THSD7A: variants seen among roughly 807,000 people sequenced by gnomAD.
THSD7A encodes thrombospondin type 1 domain containing 7A.
In THSD7A, 96 loss-of-function variants were observed where a neutral mutation model predicts 231.3. The observed-to-expected ratio is 0.41, with a 90% confidence interval of 0.35 to 0.49. THSD7A has a LOEUF of 0.49. Ranked by LOEUF, THSD7A falls within the 20% of genes least tolerant of loss-of-function variation. The probability of loss-of-function intolerance (pLI) is 0.05; values close to 1 mark genes in which losing one functional copy is unlikely to be tolerated. For missense variants in THSD7A, 2,290 were observed against 2,070.2 expected (o/e 1.11, Z -2.06); for synonymous variants, 940 against 743.3 (o/e 1.26, Z -4.30).
chr7:11,572,004 A>G (rs1400388532), intron 4 of THSD7A, among the ~76,000 whole-genome samples: 1 of 151,998 alleles, frequency 6.6e-6, no homozygotes, highest in Admixed American at 6.6e-5. Flanking sequence ...TTTCTGTCAG[A>G]TCATTCCCTT....
At chr7:11,424,927 C>T (rs1394868126) in intron 15 of THSD7A, 98 bp from the exon 16 acceptor site, 1 of 1,408,998 alleles carries the variant, frequency 7.1e-7, no homozygotes, top group Non-Finnish European at 9.8e-7. Context: ...TGTGAAGCTA[C>T]TTTCACTCCC....
chr7:11,773,351 G>T (rs952057444), intron 1 of THSD7A, among the ~76,000 whole-genome samples: 3 of 152,014 alleles, frequency 2.0e-5, no homozygotes, highest in African/African-American at 7.2e-5. Flanking sequence ...TGATCAAAAT[G>T]GAGAAACCCT....
intron 1 of THSD7A, among the ~76,000 whole-genome samples, chr7:11,823,193 C>T (rs953113191): frequency 6.6e-6 from 1 of 152,006 alleles, no homozygotes; most frequent in Non-Finnish European, 1.5e-5. Flanking sequence ...TTCCCAGCAC[C>T]ATTTATTGAA....
intron 1 of THSD7A, among the ~76,000 whole-genome samples, chr7:11,780,843 T>G (rs1376034861): frequency 6.6e-6 from 1 of 151,046 alleles, no homozygotes; most frequent in Non-Finnish European, 1.5e-5. Flanking sequence ...TACAAAAAAT[T>G]AGCCGGGCGC....
chr7:11,594,817 C>T (rs532184517), intron 2 of THSD7A, among the ~76,000 whole-genome samples: 20 of 152,278 alleles, frequency 1.3e-4, no homozygotes, highest in African/African-American at 4.8e-4. Context: ...AAGCTCTTAT[C>T]ATGTGAGTGG....
chr7:11,638,034 T>C (rs760442441), intron 1 of THSD7A, among the ~76,000 whole-genome samples: 1 of 152,186 alleles, frequency 6.6e-6, no homozygotes, highest in Non-Finnish European at 1.5e-5. Flanking sequence ...TGTGGGAAGG[T>C]GAGGGCCAAC....
At chr7:11,645,037 A>T (rs1430537675) in intron 1 of THSD7A, among the ~76,000 whole-genome samples, 1 of 152,028 alleles carries the variant, frequency 6.6e-6, no homozygotes, top group African/African-American at 2.4e-5. Context: ...TTTAAAATAC[A>T]TGTTGCCCAA....
chr7:11,442,821 C>T (rs570369597), intron 13 of THSD7A, among the ~76,000 whole-genome samples: 37 of 152,144 alleles, frequency 2.4e-4, no homozygotes, highest in Middle Eastern at 3.4e-3. Context: ...TGCAGAAGAA[C>T]TAAACTAGAA....
At chr7:11,486,389 T>C (rs922225988) in intron 6 of THSD7A, among the ~76,000 whole-genome samples, 35 of 152,302 alleles carry the variant, frequency 2.3e-4, no homozygotes, top group African/African-American at 8.2e-4. Context: ...GAAATGGAAG[T>C]TTTGCTGCCT....
chr7:11,379,310 C>G, intron 25 of THSD7A, 30 bp from the exon 26 acceptor site: 1 of 1,603,382 alleles, frequency 6.2e-7, no homozygotes, highest in Non-Finnish European at 8.5e-7. Context: ...TTTATACTAG[C>G]CATGCAAGGA....
At chr7:11,387,393 A>G (rs1053033845) in intron 23 of THSD7A, among the ~76,000 whole-genome samples, 19 of 152,256 alleles carry the variant, frequency 1.2e-4, no homozygotes, top group Middle Eastern at 3.4e-3. Context: ...TTCCTTGAGC[A>G]GTGGTTTGTA....
chr7:11,582,378 A>G (rs1307899490), intron 4 of THSD7A, among the ~76,000 whole-genome samples: 3 of 152,034 alleles, frequency 2.0e-5, no homozygotes, highest in Admixed American at 1.3e-4. Flanking sequence ...AGGGTGTTCA[A>G]TATTTCCACC....
At chr7:11,425,731 T>TAC (rs3086973) in intron 15 of THSD7A, among the ~76,000 whole-genome samples, 8,578 of 145,646 alleles carry the variant, frequency 0.059, 301 homozygotes, top group African/African-American at 0.099. Context: ...TCCCTTATTT[T>TAC]ACACACACAC....
intron 1 of THSD7A, among the ~76,000 whole-genome samples, chr7:11,773,664 TTTAA>T (rs1260303352): frequency 6.6e-6 from 1 of 152,316 alleles, no homozygotes; most frequent in East Asian, 1.9e-4. Context: ...TTAAAAAATG[TTTAA>T]TTATTATGGA....
intron 1 of THSD7A, among the ~76,000 whole-genome samples, chr7:11,690,804 G>C (rs1182606772): frequency 2.0e-5 from 3 of 151,690 alleles, no homozygotes; most frequent in African/African-American, 4.8e-5. Context: ...TAATATGATT[G>C]TGTTCAAGTG....
chr7:11,520,632 G>C (rs150990517), intron 6 of THSD7A, among the ~76,000 whole-genome samples: 1 of 152,106 alleles, frequency 6.6e-6, no homozygotes, highest in Non-Finnish European at 1.5e-5. Flanking sequence ...AATATTTTTA[G>C]AAACAGGCTT....
intron 4 of THSD7A, among the ~76,000 whole-genome samples, chr7:11,568,656 C>CAAAAAAAAAAAA (rs1562728058): frequency 5.6e-5 from 5 of 88,620 alleles, no homozygotes; most frequent in Admixed American, 1.4e-4. Context: ...AAAAAAAAAC[C>CAAAAAAAAAAAA]AAAATCTGGA....
chr7:11,830,044 G>T (rs372064675), intron 1 of THSD7A, among the ~76,000 whole-genome samples: 1 of 152,162 alleles, frequency 6.6e-6, no homozygotes, highest in East Asian at 1.9e-4. Flanking sequence ...AAAACTAAGG[G>T]TCAAAATTTA....
chr7:11,418,230 A>T (rs552821471), intron 16 of THSD7A, among the ~76,000 whole-genome samples: 1 of 152,324 alleles, frequency 6.6e-6, no homozygotes, highest in Admixed American at 6.5e-5. Flanking sequence ...AAAGACAATT[A>T]TAATTGGTAT....
Sources: gnomAD v4.1 joint callset for allele counts (sites outside exome capture counted in the v4.1 genomes callset) on GRCh38, gnomAD v4.1.1 for gene constraint, MANE v1.5 for transcripts, NCBI Gene and HGNC (gene_info 2026-07-23, HGNC 2026-07-21) for gene names.